Variants in OTULINL observed in about 807,000 individuals in gnomAD.
OTULINL encodes inactive ubiquitin thioesterase OTULINL.
Under a neutral mutation model 43.9 loss-of-function variants are expected in OTULINL, and 42 were observed. That is an observed-to-expected ratio of 0.96 (90% CI 0.75 to 1.24). The LOEUF (loss-of-function observed/expected upper bound fraction) is 1.24. OTULINL is among the 50% of genes most tolerant of loss of function. The pLI, the probability that OTULINL is intolerant of heterozygous loss-of-function variation, is 0.00. For missense variants in OTULINL, 411 were observed against 426.4 expected, an observed-to-expected ratio of 0.96 and a Z score of 0.32; for synonymous variants, 172 against 153.6, an observed-to-expected ratio of 1.12 and a Z score of -0.88.
chr5:14,606,305 C>T (rs1759474844), intron 5 of OTULINL, among the ~76,000 whole-genome samples: 1 of 152,116 alleles, frequency 6.6e-6, no homozygotes, highest in Non-Finnish European at 1.5e-5. Flanking sequence ...AGACTTGCCC[C>T]CACGATTCAG....
At chr5:14,587,089 C>G (rs1161726705) in intron 1 of OTULINL, among the ~76,000 whole-genome samples, 2 of 152,196 alleles carry the variant, frequency 1.3e-5, no homozygotes, top group Non-Finnish European at 2.9e-5. Flanking sequence ...AGGGCATAGA[C>G]TGTTCTCTGT....
Position 14,615,491 on chromosome 5 carries a change from G to A in OTULINL, c.*5177G>A, listed in dbSNP as rs1366920264. On this transcript the variant is annotated 3_prime_UTR_variant, in exon 8 of 8. Coordinates refer to ENST00000274217, the MANE Select transcript of OTULINL (RefSeq NM_019018.3). Reference sequence around the variant, plus strand: ...AGGACCAGAAAAGCTGCTTGGGTGTGGTGGAAGTTTCAGTGTAATGTGATT... The same window carrying A: ...AGGACCAGAAAAGCTGCTTGGGTGTAGTGGAAGTTTCAGTGTAATGTGATT... 6.6e-6 allele frequency among the ~76,000 whole-genome samples: 1 copy of A among 152,186 alleles called. No homozygotes were observed. The highest frequency in any genetic ancestry group is 1.5e-5 in the Non-Finnish European group (1 of 68,042).
chr5:14,607,385 T>G lies in OTULINL; in HGVS notation c.554T>G (p.Phe185Cys). 1.2e-6 allele frequency: 2 copies of G among 1,614,210 alleles called. No individual in the cohort carries two copies. The highest frequency in any genetic ancestry group is 1.7e-6 in the Non-Finnish European group (2 of 1,180,020). Residue 185 changes from phenylalanine to cysteine, a missense_variant, in exon 6 of 8, where the codon TTT becomes TGT. Phe to Cys is a radical substitution (Grantham distance 205, BLOSUM62 -2). Coordinates refer to ENST00000274217, the MANE Select transcript of OTULINL (RefSeq NM_019018.3). ...TGTAATTGGATTCAGCAGTACAGTT[T>G]TGGTCCTGAGAAGTATACAGGCTCG... ...QGCNWIQQYS[F>C]GPEKYTGSNV...
chr5:14,585,106 A>G (rs1759084009), intron 1 of OTULINL, among the ~76,000 whole-genome samples: 1 of 152,146 alleles, frequency 6.6e-6, no homozygotes, highest in Non-Finnish European at 1.5e-5. Flanking sequence ...AGTGCCTTCA[A>G]GGTCTTTACT....
chr5:14,591,086 A>C (rs1759193445), intron 1 of OTULINL, among the ~76,000 whole-genome samples: 1 of 152,162 alleles, frequency 6.6e-6, no homozygotes, highest in Non-Finnish European at 1.5e-5. Flanking sequence ...GAGTAATGGA[A>C]AAGTCACCCC....
At chr5:14,599,717 C>A (rs143568462) in intron 1 of OTULINL, among the ~76,000 whole-genome samples, 2 of 152,288 alleles carry the variant, frequency 1.3e-5, no homozygotes, top group African/African-American at 4.8e-5. Context: ...ATTCAAAGTC[C>A]TCTTTCTCAT....
intron 1 of OTULINL, among the ~76,000 whole-genome samples, chr5:14,597,709 T>C (rs146574700): frequency 1.6e-4 from 25 of 152,324 alleles, no homozygotes; most frequent in African/African-American, 5.1e-4. Context: ...CATGGCCTGC[T>C]TCCATGTGAC....
At chr5:14,588,678 C>T (rs1302129794) in intron 1 of OTULINL, among the ~76,000 whole-genome samples, 1 of 152,184 alleles carries the variant, frequency 6.6e-6, no homozygotes, top group Non-Finnish European at 1.5e-5. Context: ...TGTCAGGGCC[C>T]CAGGCTCCTT....
At chr5:14,599,144 C>T (rs1759342031) in intron 1 of OTULINL, among the ~76,000 whole-genome samples, 1 of 152,142 alleles carries the variant, frequency 6.6e-6, no homozygotes, top group Non-Finnish European at 1.5e-5. Context: ...AACAGATAAG[C>T]ACTTGTTTTT....
chr5:14,585,048 C>A (rs1316257341), intron 1 of OTULINL, among the ~76,000 whole-genome samples: 2 of 152,178 alleles, frequency 1.3e-5, no homozygotes. Context: ...ATTCCCTCCG[C>A]ATGCACTGCC....
chr5:14,609,145 A>T (rs1055481140), intron 7 of OTULINL, 128 bp downstream of exon 7: 1 of 917,374 alleles, frequency 1.1e-6, no homozygotes. Context: ...GATTGATATT[A>T]TCGCCCCTCA....
chr5:14,582,814 CAAA>C (rs57907300), intron 1 of OTULINL, among the ~76,000 whole-genome samples: 8,826 of 54,282 alleles, frequency 0.16, 163 homozygotes, highest in African/African-American at 0.27. Flanking sequence ...TTGCTCTGTC[CAAA>C]AAAAAAAAAA....
intron 7 of OTULINL, among the ~76,000 whole-genome samples, chr5:14,609,264 C>T (rs996659723): frequency 6.6e-5 from 10 of 152,324 alleles, no homozygotes; most frequent in African/African-American, 2.2e-4. Context: ...TGACCTCTCA[C>T]GCTGCTTCCC....
At chr5:14,606,844 A>C (rs1031489808) in intron 5 of OTULINL, among the ~76,000 whole-genome samples, 22 of 152,368 alleles carry the variant, frequency 1.4e-4, no homozygotes, top group Non-Finnish European at 2.9e-4. Context: ...AATTGTAAGA[A>C]TATGATGTAA....
chr5:14,581,884 G>A lies in OTULINL; in HGVS notation c.-11G>A. 1 of 1,409,774 alleles carries A rather than the reference G, an allele frequency of 7.1e-7. No individual in the cohort carries two copies. Among genetic ancestry groups the A allele is most frequent in the Non-Finnish European group, 9.2e-7 (1 of 1,082,142 alleles). The allele number at this position is 1,409,774 out of a possible 1,614,324, so 87.3% of individuals were successfully genotyped here. On this transcript the variant is annotated 5_prime_UTR_variant, in exon 1 of 8. Transcript: ENST00000274217. ...GGCCGAGGCCCAGCGCCCGTCCGCA[G>A]CGCGGCCGGCATGGCGGCGACAAGG...
intron 5 of OTULINL, among the ~76,000 whole-genome samples, chr5:14,605,534 C>T (rs936276189): frequency 5.9e-5 from 9 of 152,182 alleles, no homozygotes; most frequent in East Asian, 5.8e-4. Flanking sequence ...GCTTGTATTT[C>T]TCCTCAGAAA....
At chr5:14,589,096 G>C (rs1305375967) in intron 1 of OTULINL, among the ~76,000 whole-genome samples, 1 of 152,136 alleles carries the variant, frequency 6.6e-6, no homozygotes, top group East Asian at 1.9e-4. Flanking sequence ...TGTGTACTTA[G>C]GCACTCAGAA....
chr5:14,602,828 G>C (rs570419029), intron 5 of OTULINL, among the ~76,000 whole-genome samples: 1 of 152,164 alleles, frequency 6.6e-6, no homozygotes, highest in African/African-American at 2.4e-5. Flanking sequence ...ATCTGTGTTT[G>C]TTTTTAATGC....
At chr5:14,594,890 C>A (rs1759260343) in intron 1 of OTULINL, among the ~76,000 whole-genome samples, 1 of 151,978 alleles carries the variant, frequency 6.6e-6, no homozygotes, top group Non-Finnish European at 1.5e-5. Flanking sequence ...CACAGAGTGT[C>A]CTTTCTCACC....
Sources: allele counts gnomAD v4.1 joint callset (sites outside exome capture counted in the v4.1 genomes callset), GRCh38; gene constraint gnomAD v4.1.1; transcripts MANE v1.5; gene names NCBI Gene and HGNC (gene_info 2026-07-23, HGNC 2026-07-21).